Variants in ANKRD26 observed in about 807,000 individuals in gnomAD.
ANKRD26 encodes the protein ankyrin repeat domain 26, also known as ankyrin repeat domain-containing protein 26.
In ANKRD26, 141 loss-of-function variants were observed where a neutral mutation model predicts 208.7. The ratio of observed to expected loss-of-function variants is 0.68; its 90% confidence interval spans 0.59 to 0.78. ANKRD26 has a LOEUF of 0.78. Among genes scored for constraint, ANKRD26 ranks in the 30% least tolerant of loss-of-function variants. The pLI, the probability that ANKRD26 is intolerant of heterozygous loss-of-function variation, is 0.00. For missense variants in ANKRD26, 1,889 were observed against 1,938.7 expected (o/e 0.97, Z 0.48); for synonymous variants, 636 against 660.4 (o/e 0.96, Z 0.57).
chr10:27,011,742 G>A (rs981487128), intron 32 of ANKRD26, among the ~76,000 whole-genome samples: 2 of 152,196 alleles, frequency 1.3e-5, no homozygotes, highest in Admixed American at 6.5e-5. Context: ...CAGGGGAGAT[G>A]AGGACCCTGT....
chr10:27,014,851 C>G, intron 30 of ANKRD26, 140 bp from the exon 31 acceptor site: 1 of 681,646 alleles, frequency 1.5e-6, no homozygotes, highest in African/African-American at 1.8e-5. Context: ...AGGCATTGGT[C>G]AAAGAGATAA....
At chr10:27,023,901 T>G (rs1169150210) in intron 28 of ANKRD26, among the ~76,000 whole-genome samples, 1 of 151,218 alleles carries the variant, frequency 6.6e-6, no homozygotes, top group Non-Finnish European at 1.5e-5. Flanking sequence ...AAACAGAAGT[T>G]TAATAACATG....
Position 27,077,513 on chromosome 10 carries a change from G to A in ANKRD26, c.902C>T (p.Thr301Ile), listed in dbSNP as rs1450953755. 6.2e-7 allele frequency: 1 copy of A among 1,613,858 alleles called. No individual in the cohort carries two copies. The highest frequency in any genetic ancestry group is 2.2e-5 in the East Asian group (1 of 44,866). ...NLEATYGTVR[T>I]GNRTLFEDRD... Reference sequence around the variant, plus strand: ...ATCCTCAAACAAAGTTCTATTTCCTGTTCTCACAGTGCCATATGTTGCTTC... The same window carrying A: ...ATCCTCAAACAAAGTTCTATTTCCTATTCTCACAGTGCCATATGTTGCTTC... Residue 301 changes from threonine to isoleucine, a missense_variant, in exon 9 of 34, where the codon ACA becomes ATA. By Grantham distance (89) the Thr-to-Ile change is moderately conservative. Transcript: ENST00000376087.
At chr10:27,051,527 AT>A in intron 16 of ANKRD26, 1 of 984,524 alleles carries the variant, frequency 1.0e-6, no homozygotes, top group Non-Finnish European at 1.2e-6. Flanking sequence ...TTACTTTTTT[AT>A]TTTCTGTATC....
chr10:27,014,414 T>C, intron 31 of ANKRD26, 80 bp downstream of exon 31: 1 of 1,112,968 alleles, frequency 9.0e-7, no homozygotes. Context: ...TTCCCATTAA[T>C]CTCATGAACC....
In ANKRD26 at chr10:27,093,378, A is replaced by G. The variant is rs2056362164; in HGVS notation, c.502T>C (p.Tyr168His). 6.2e-7 allele frequency: 1 copy of G among 1,614,152 alleles called. No individual in the cohort carries two copies. The highest frequency in any genetic ancestry group is 1.1e-5 in the South Asian group (1 of 91,082). ...DISVATKLLL[Y>H]DANIEAKNKD... is the part of the protein sequence containing the mutation. ...TTTTTTGCTTCAATATTTGCATCATACAAAAGCAGCTTTGTTGCTACTGAT... is the reference window on the plus strand; with the variant it reads ...TTTTTTGCTTCAATATTTGCATCATGCAAAAGCAGCTTTGTTGCTACTGAT... Residue 168 changes from tyrosine (Y) to histidine (H), a missense_variant, in exon 3 of 34, where the codon TAT becomes CAT. Around this residue, in one of 3 missense-constraint regions of ANKRD26, gnomAD observed 1,272 missense variants for 1,273.8 expected, o/e 1.00. Coordinates refer to ENST00000376087, the MANE Select transcript of ANKRD26 (RefSeq NM_014915.3).
At chr10:27,077,792 A>C in intron 7 of ANKRD26, 99 bp from the exon 8 acceptor site, 1 of 1,063,626 alleles carries the variant, frequency 9.4e-7, no homozygotes, top group Non-Finnish European at 1.4e-6. Flanking sequence ...ATGATCTAAC[A>C]CAAAGAACAA....
chr10:27,060,670 G>T, intron 13 of ANKRD26, 130 bp from the exon 14 acceptor site: 1 of 776,224 alleles, frequency 1.3e-6, no homozygotes, highest in South Asian at 1.8e-5. Flanking sequence ...TTTTTGGGAT[G>T]TTTTTTATTT....
At position 27,037,310 on chromosome 10, in the gene ANKRD26, C is replaced by G; in HGVS notation, c.2573G>C (p.Arg858Pro). Reference sequence around the variant, plus strand: ...AGAAAGTTGCCTCTGAGCGTCATTTCGCTCTTGAACGACCTAGAGATACAT... The same window carrying G: ...AGAAAGTTGCCTCTGAGCGTCATTTGGCTCTTGAACGACCTAGAGATACAT... ...KSNLNQVVQE[R>P]NDAQRQLSRE... Residue 858 changes from arginine (R) to proline (P), a missense_variant, in exon 23 of 34, where the codon CGA becomes CCA. Arg to Pro is a moderately radical substitution (Grantham distance 103). This residue lies in a region of ANKRD26 where 1,272 missense variants were observed against 1,273.8 expected (regional missense o/e 1.00). Coordinates refer to ENST00000376087, the MANE Select transcript of ANKRD26 (RefSeq NM_014915.3). 1 of 1,613,780 alleles carries G rather than the reference C, an allele frequency of 6.2e-7. No homozygotes were observed. Among genetic ancestry groups the G allele is most frequent in the Non-Finnish European group, 8.5e-7 (1 of 1,179,812 alleles).
chr10:26,964,238 T>C, the ANKRD26 span, among the ~76,000 whole-genome samples: 94,591 of 151,782 alleles, frequency 0.62, 30,172 homozygotes, highest in African/African-American at 0.76. Flanking sequence ...TATTTTCCAT[T>C]AAGGTTAGTT....
rs34759695 is a variant in ANKRD26 at position 27,064,364 on chromosome 10, C to T, written c.1270-283G>A. Among the ~76,000 whole-genome samples, 12,460 of 152,042 alleles carry T rather than the reference C, an allele frequency of 0.082. 726 individuals carry two copies. The highest frequency in any genetic ancestry group is 0.28 in the East Asian group (1,449 of 5,148). On this transcript the variant is annotated intron_variant, in intron 11 of 33. Transcript: ENST00000376087. ...TTAACAGACAAAATATTAACTTACG[C>T]GCACAGTTCAACAAGGAACTAATAT...
intron 5 of ANKRD26, among the ~76,000 whole-genome samples, chr10:26,993,801 G>C (rs74128520): frequency 9.5e-4 from 144 of 152,258 alleles, no homozygotes; most frequent in African/African-American, 3.4e-3. Context: ...TGGAAGGCTG[G>C]AGCCATTGGA....
chr10:27,095,031 G>A (rs1331570596), intron 1 of ANKRD26, among the ~76,000 whole-genome samples: 1 of 151,634 alleles, frequency 6.6e-6, no homozygotes, highest in East Asian at 1.9e-4. Flanking sequence ...AGATAACACA[G>A]TATTTCAGTG....
chr10:26,963,660 C>T, the ANKRD26 span, among the ~76,000 whole-genome samples: 242 of 152,252 alleles, frequency 1.6e-3, 1 homozygote, highest in Non-Finnish European at 2.0e-3. Context: ...CCAAAATCCG[C>T]GGTCCCTGAT....
chr10:27,049,076 T>C (rs555421008), intron 16 of ANKRD26, 97 bp from the exon 17 acceptor site: 66 of 1,076,196 alleles, frequency 6.1e-5, no homozygotes, highest in Admixed American at 2.9e-4. Context: ...AGTTTAACTA[T>C]GGTAACTTTA....
chr10:26,957,454 T>G, the ANKRD26 span, among the ~76,000 whole-genome samples: 1 of 152,142 alleles, frequency 6.6e-6, no homozygotes, highest in Non-Finnish European at 1.5e-5. Flanking sequence ...AAGATAGCCA[T>G]AGAACAAAGT....
chr10:27,066,445 A>G (rs1218473927), intron 11 of ANKRD26, 42 bp downstream of exon 11: 1 of 1,457,972 alleles, frequency 6.9e-7, no homozygotes, highest in Non-Finnish European at 9.5e-7. Flanking sequence ...ACATCACTCA[A>G]TGCTTATATT....
rs764727933 is a variant in ANKRD26, at chr10:27,035,135, C to T, written c.3315G>A (p.Gln1105=). Residue 1105 remains glutamine, a synonymous_variant, in exon 24 of 34, where the codon CAG becomes CAA. Transcript: ENST00000376087. ...TTTGTTCCATTTCCTTCATTTGACACTGTGTTTGGCTTAGGTCCTTTTGTA... is the reference window on the plus strand; with the variant it reads ...TTTGTTCCATTTCCTTCATTTGACATTGTGTTTGGCTTAGGTCCTTTTGTA... ...ERVQKDLSQT[Q]CQMKEMEQKY... is the part of the protein sequence containing the mutation. The T allele has an allele frequency of 6.2e-7, 1 of 1,613,380 alleles. No individual in the cohort carries two copies. The highest frequency in any genetic ancestry group is 2.2e-5 in the East Asian group (1 of 44,864).
the ANKRD26 span, among the ~76,000 whole-genome samples, chr10:26,961,144 G>C: frequency 6.6e-6 from 1 of 151,540 alleles, no homozygotes; most frequent in Non-Finnish European, 1.5e-5. Context: ...TTGAACCTGG[G>C]AGGCGGAGGT....
Sources: allele counts gnomAD v4.1 joint callset (sites outside exome capture counted in the v4.1 genomes callset), GRCh38; gene constraint gnomAD v4.1.1; regional missense constraint gnomAD v4.1.1; transcripts MANE v1.5; gene names NCBI Gene and HGNC (gene_info 2026-07-23, HGNC 2026-07-21).